FUS: variants seen among roughly 807,000 people sequenced by gnomAD.
The protein encoded by FUS is RNA-binding protein FUS.
In FUS, 5 loss-of-function variants were observed where a neutral mutation model predicts 82.7. The observed-to-expected ratio is 0.06, with a 90% CI of 0.03 to 0.13. The LOEUF is 0.13. Among genes scored for constraint, FUS ranks in the 10% least tolerant of loss-of-function variants. The pLI is 1.00. For synonymous variants in FUS, 281 were observed against 247.4 expected (o/e 1.14, Z -1.27); for missense variants, 512 against 707.8 (o/e 0.72, Z 3.14).
At position 31,182,493 on chromosome 16, in the gene FUS, C is replaced by T. The variant is rs1475024240; in HGVS notation, c.39-20C>T. 3.7e-6 allele frequency: 6 copies of T among 1,614,164 alleles called. No homozygotes were observed. On this transcript the variant is annotated intron_variant, in intron 2 of 14. Transcript: ENST00000254108. ...GGTCACGCCATGTTTTCTGATCACG[C>T]TGGTTTTCCTTTTATTTAGCTATGG...
chr16:31,191,243 G>C (rs906976236), intron 14 of FUS, 133 bp downstream of exon 14: 3 of 1,483,632 alleles, frequency 2.0e-6, no homozygotes, highest in East Asian at 2.3e-5. Flanking sequence ...GTAGTGGAGA[G>C]GGAAGGAAAA....
Position 31,184,018 on chromosome 16 carries a change from T to C in FUS, c.335+16T>C. ...CCTCGGGAAGGTACGGTGGTGTTGA[T>C]GTCGGGGAAGGCTTGAAAAGAGGGG... On this transcript the variant is annotated intron_variant, in intron 4 of 14. Transcript: ENST00000254108. 1 of 1,613,944 alleles carries C rather than the reference T, an allele frequency of 6.2e-7. No homozygotes were observed.
intron 14 of FUS, 77 bp from the exon 15 acceptor site, chr16:31,191,322 C>A: frequency 6.4e-7 from 1 of 1,568,428 alleles, no homozygotes; most frequent in South Asian, 1.1e-5. Context: ...GTAGGAGGGG[C>A]AGATAGGATA....
chr16:31,183,110 G>A (rs1281439910), intron 3 of FUS: 3 of 247,448 alleles, frequency 1.2e-5, no homozygotes, highest in African/African-American at 6.8e-5. Flanking sequence ...TGGGATCTGA[G>A]TCCTTTACAG....
At chr16:31,182,791 A>G (rs746249672) in intron 3 of FUS, 127 bp downstream of exon 3, 18 of 1,158,496 alleles carry the variant, frequency 1.6e-5, no homozygotes, top group Non-Finnish European at 2.3e-5. Context: ...GTCTCAGCTC[A>G]CTGCAACATC....
chr16:31,193,785 C>T (rs767333845), downstream of FUS: 29 of 527,220 alleles, frequency 5.5e-5, no homozygotes, highest in Middle Eastern at 1.0e-3. Flanking sequence ...GGTGCTTCCT[C>T]GCTACCACAC....
intron 13 of FUS, 55 bp from the exon 14 acceptor site, chr16:31,190,908 G>T (rs1325888129): frequency 1.2e-6 from 2 of 1,612,564 alleles, no homozygotes; most frequent in Non-Finnish European, 1.7e-6. Context: ...CAGCGGGGAG[G>T]CTCGGGGAAC....
downstream of FUS, chr16:31,194,669 T>A (rs193018950): frequency 2.1e-6 from 1 of 487,512 alleles, no homozygotes; most frequent in African/African-American, 2.0e-5. Context: ...TTTCTGTACA[T>A]GTACACATTG....
chr16:31,185,301 C>A, intron 6 of FUS, 122 bp downstream of exon 6: 1 of 1,253,836 alleles, frequency 8.0e-7, no homozygotes, highest in Non-Finnish European at 1.1e-6. Flanking sequence ...TCTGTGAGGG[C>A]TTTGATTTGG....
chr16:31,190,559 G>A, intron 12 of FUS, 161 bp downstream of exon 12: 2 of 1,213,876 alleles, frequency 1.6e-6, no homozygotes, highest in Non-Finnish European at 2.4e-6. Flanking sequence ...GATGTAATGG[G>A]AAAGGTAATG....
At chr16:31,190,659 C>T in intron 12 of FUS, 83 bp from the exon 13 acceptor site, 2 of 1,365,522 alleles carry the variant, frequency 1.5e-6, no homozygotes, top group East Asian at 2.3e-5. Flanking sequence ...CACTGTATCT[C>T]TAAAGTCACC....
Position 31,189,622 on chromosome 16 carries a change from T to C in FUS, c.937-43T>C, listed in dbSNP as rs756855832. The C allele has an allele frequency of 1.2e-5, 20 of 1,613,622 alleles. No homozygotes were observed. The East Asian group carries it at 4.0e-4, about 32-fold the overall frequency. On this transcript the variant is annotated intron_variant, in intron 9 of 14. Coordinates refer to ENST00000254108, the MANE Select transcript of FUS (RefSeq NM_004960.4). Reference sequence around the variant, plus strand: ...GAGGAAGAAGATGGAAAGGGAGTACTGTAGCCTTTAAAATTGATGTTACCT... The same window carrying C: ...GAGGAAGAAGATGGAAAGGGAGTACCGTAGCCTTTAAAATTGATGTTACCT...
rs561280587 is a variant in FUS, at chr16:31,182,327, G to A, written c.14-71G>A. On this transcript the variant is annotated intron_variant, in intron 1 of 14. Transcript: ENST00000254108. Reference sequence around the variant, plus strand: ...TTTTATTCATCAGTGCTTGAGTTAAGGAATTTAGCTTTAATTCAACTCTTT... The same window carrying A: ...TTTTATTCATCAGTGCTTGAGTTAAAGAATTTAGCTTTAATTCAACTCTTT... The A allele has an allele frequency of 7.4e-5, 116 of 1,561,960 alleles. No homozygotes were observed. The South Asian group carries it at 1.2e-3, about 16-fold the overall frequency.
rs147877613 is a variant in FUS, at chr16:31,182,540, G to A, written c.66G>A (p.Gly22=). 172 of 1,614,002 alleles carry A rather than the reference G, an allele frequency of 1.1e-4. No homozygotes were observed. The highest frequency in any genetic ancestry group is 1.7e-4 in the Admixed American group (10 of 59,998). The change falls in exon 3 of 15, where the codon GGG becomes GGA. Residue 22 remains glycine (G), a synonymous_variant. Transcript: ENST00000254108. ...ATGGGGCCTACCCCACCCAGCCCGG[G>A]CAGGGCTATTCCCAGCAGAGCAGTC... The part of the protein sequence containing the change: ...QSYGAYPTQP[G]QGYSQQSSQP...
intron 5 of FUS, 110 bp from the exon 6 acceptor site, chr16:31,184,829 C>G: frequency 3.8e-6 from 2 of 531,556 alleles, no homozygotes; most frequent in South Asian, 5.6e-5. Flanking sequence ...TGTCTTTTTA[C>G]TTTCTTTTGT....
At chr16:31,184,121 G>A (rs1276568258) in intron 4 of FUS, 88 bp from the exon 5 acceptor site, 1 of 1,612,980 alleles carries the variant, frequency 6.2e-7, no homozygotes, top group African/African-American at 1.3e-5. Context: ...AGCCTGTGTT[G>A]GGTACAGAGA....
At chr16:31,194,791 G>A, downstream of FUS, 1 of 480,492 alleles carries the variant, frequency 2.1e-6, no homozygotes, top group Non-Finnish European at 4.1e-6. Context: ...GCCCTTTTAT[G>A]CTGGAGGTTG....
At position 31,182,513 on chromosome 16, in the gene FUS, C is replaced by T. The variant is rs1159077451; in HGVS notation, c.39C>T (p.Ser13=). ...SNDYTQQATQ[S]YGAYPTQPGQ... is the part of the protein sequence containing the mutation. ...TCACGCTGGTTTTCCTTTTATTTAG[C>T]TATGGGGCCTACCCCACCCAGCCCG... Residue 13 remains serine, a splice_region_variant and synonymous_variant, in exon 3 of 15, where the codon AGC becomes AGT. Coordinates refer to ENST00000254108, the MANE Select transcript of FUS (RefSeq NM_004960.4). 5 of 1,614,022 alleles carry T rather than the reference C, an allele frequency of 3.1e-6. No homozygotes were observed. In the South Asian group the frequency reaches 4.4e-5, roughly 14 times the overall value.
rs1245298328 is a variant in FUS, at chr16:31,189,259, A to C, written c.936+33A>C. ...TGGAGAGGAGTGGGAGCTTTCTGTC[A>C]GTGTTGTAGGCTTGTGGATTTCACA... On this transcript the variant is annotated intron_variant, in intron 9 of 14. Coordinates refer to ENST00000254108, the MANE Select transcript of FUS (RefSeq NM_004960.4). 6 of 1,437,690 alleles carry C rather than the reference A, an allele frequency of 4.2e-6. No homozygotes were observed. In the Middle Eastern group the frequency reaches 8.7e-4, roughly 209 times the overall value. The allele number at this position is 1,437,690 out of a possible 1,614,324, so 89.1% of individuals were successfully genotyped here.
Sources: gnomAD v4.1 joint callset for allele counts on GRCh38, gnomAD v4.1.1 for gene constraint, MANE v1.5 for transcripts, NCBI Gene and HGNC (gene_info 2026-07-23, HGNC 2026-07-21) for gene names.